PLK4: variants seen among roughly 807,000 people sequenced by gnomAD.
The protein encoded by PLK4 is serine/threonine-protein kinase PLK4.
A neutral mutation model predicts 103.0 loss-of-function variants in PLK4; 51 were observed. That is an observed-to-expected ratio of 0.50 (90% CI 0.40 to 0.63). The LOEUF is 0.63. Among genes scored for constraint, PLK4 ranks in the 20% least tolerant of loss-of-function variants. PLK4 has a pLI of 0.00. For synonymous variants in PLK4, 389 were observed against 376.8 expected, an observed-to-expected ratio of 1.03 and a Z score of -0.38; for missense variants, 1,054 against 1,151.0, an observed-to-expected ratio of 0.92 and a Z score of 1.22.
Position 127,895,023 on chromosome 4 carries a change from A to G in PLK4, c.2633A>G (p.Lys878Arg). 1 of 1,611,366 alleles carries G rather than the reference A, an allele frequency of 6.2e-7. No homozygotes were observed. Among genetic ancestry groups the G allele is most frequent in the Non-Finnish European group, 8.5e-7 (1 of 1,178,066 alleles). The stretch of plus-strand genomic sequence containing the variant: ...ACAGACATCTCTTCTAATAGTCTAA[A>G]AGATTGTCTTCCTAAATCAGCACAA... Reference protein sequence around the residue: ...SGTDISSNSLKDCLPKSAQLL... With the variant: ...SGTDISSNSLRDCLPKSAQLL... The change falls in exon 14 of 16, where the codon AAA becomes AGA. Residue 878 changes from lysine to arginine, a missense_variant. By Grantham distance (26) the Lys-to-Arg change is conservative. Coordinates refer to ENST00000270861, the MANE Select transcript of PLK4 (RefSeq NM_014264.5).
At chr4:127,882,157 C>T (rs975170233) in intron 2 of PLK4, among the ~76,000 whole-genome samples, 1 of 152,122 alleles carries the variant, frequency 6.6e-6, no homozygotes, top group South Asian at 2.1e-4. Flanking sequence ...CAGTAGACCT[C>T]GTATGTGGTG....
chr4:127,886,234 C>A lies in PLK4; in HGVS notation c.864C>A (p.Ala288=), dbSNP rs769447280. 1.8e-5 allele frequency: 29 copies of A among 1,613,898 alleles called. No homozygotes were observed. The highest frequency in any genetic ancestry group is 2.3e-5 in the Non-Finnish European group (27 of 1,179,950). ...AAGACTCAATTGATAGTGGGCATGC[C>A]ACAATTTCTACTGCAATTACAGCTT... ...TVEDSIDSGH[A]TISTAITASS... Residue 288 remains alanine, a synonymous_variant, in exon 5 of 16, where the codon GCC becomes GCA. Coordinates refer to ENST00000270861, the MANE Select transcript of PLK4 (RefSeq NM_014264.5).
intron 1 of PLK4, chr4:127,881,388 C>T (rs753991620): frequency 1.1e-4 from 160 of 1,424,812 alleles, no homozygotes; most frequent in Admixed American, 5.0e-4. Context: ...CCTCCCCGCC[C>T]GGCAGTGTCC....
rs535158562 is a variant in PLK4 at position 127,891,292 on chromosome 4, A to T, written c.1935+96A>T. 172 of 624,914 alleles carry T rather than the reference A, an allele frequency of 2.8e-4. No individual in the cohort carries two copies. The African/African-American group carries it at 3.0e-3, about 11-fold the overall frequency. The allele number at this position is 624,914 out of a possible 1,614,324, so 38.7% of individuals were successfully genotyped here. On this transcript the variant is annotated intron_variant, in intron 8 of 15. Coordinates refer to ENST00000270861, the MANE Select transcript of PLK4 (RefSeq NM_014264.5). Reference sequence around the variant, plus strand: ...TTTTACAATGATGTAAGTTTTTTTAAAATCAGTTTGCCAGTATGATAGTGT... The same window carrying T: ...TTTTACAATGATGTAAGTTTTTTTATAATCAGTTTGCCAGTATGATAGTGT...
Position 127,880,906 on chromosome 4 carries a change from C to T in PLK4, c.-229C>T, listed in dbSNP as rs1734888671. ...TCTCGTTACGTCACCACCAGCCTAG[C>T]TCGGACGGCAAGCGGCGGGAGATTT... is the stretch of plus-strand genomic sequence containing the variant. On this transcript the variant is annotated 5_prime_UTR_variant, in exon 1 of 16. Coordinates refer to ENST00000270861, the MANE Select transcript of PLK4 (RefSeq NM_014264.5). The T allele has an allele frequency of 1.7e-6, 1 of 577,360 alleles. No homozygotes were observed. The allele number at this position is 577,360 out of a possible 1,614,324, so 35.8% of individuals were successfully genotyped here. A position where few individuals can be genotyped will look rare whatever the true frequency, so the allele number is the denominator to read the frequency against.
At position 127,893,897 on chromosome 4, in the gene PLK4, T is replaced by G; in HGVS notation, c.2562+16T>G. On this transcript the variant is annotated intron_variant, in intron 13 of 15. Coordinates refer to ENST00000270861, the MANE Select transcript of PLK4 (RefSeq NM_014264.5). The stretch of plus-strand genomic sequence containing the variant: ...TAATCCCTCTGTAAGTAAATATATG[T>G]CACTTCTGTACTTTAAACCTTTCAA... 7.7e-7 allele frequency: 1 copy of G among 1,291,992 alleles called. No homozygotes were observed. Among genetic ancestry groups the G allele is most frequent in the Non-Finnish European group, 1.1e-6 (1 of 890,090 alleles). 80.0% of individuals were successfully genotyped at this position (1,291,992 alleles called of 1,614,324 possible).
At chr4:127,892,764 G>A (rs1008372779) in intron 10 of PLK4, 14 of 309,756 alleles carry the variant, frequency 4.5e-5, no homozygotes, top group South Asian at 3.6e-4. Context: ...GTTTAACTAC[G>A]TCTAGGCTGA....
In PLK4 at chr4:127,883,498, T is replaced by C. The variant is rs1407113341; in HGVS notation, c.282T>C (p.Asn94=). ...YVYLVLEMCH[N]GEMNRYLKNR... ...ATCTGGTATTAGAAATGTGCCATAA[T>C]GGAGAAATGAACAGGTATCTAAAGA... Residue 94 remains asparagine, a synonymous_variant, in exon 4 of 16, where the codon AAT becomes AAC. Transcript: ENST00000270861. 11 of 1,555,476 alleles carry C rather than the reference T, an allele frequency of 7.1e-6. No homozygotes were observed. Among genetic ancestry groups the C allele is most frequent in the Non-Finnish European group, 9.8e-6 (11 of 1,127,506 alleles).
chr4:127,889,885 T>G lies in PLK4; in HGVS notation c.1479T>G (p.Thr493=). ...LQINAHLRKT[T]EYDSISPNRD... Reference sequence around the variant, plus strand: ...TTGTAGCTCATTTAAGAAAAACTACTGAATATGACAGCATCAGCCCAAACC... The same window carrying G: ...TTGTAGCTCATTTAAGAAAAACTACGGAATATGACAGCATCAGCCCAAACC... Residue 493 remains threonine (T), a synonymous_variant, in exon 7 of 16, where the codon ACT becomes ACG. Coordinates refer to ENST00000270861, the MANE Select transcript of PLK4 (RefSeq NM_014264.5). 14 of 1,593,984 alleles carry G rather than the reference T, an allele frequency of 8.8e-6. No homozygotes were observed. Among genetic ancestry groups the G allele is most frequent in the Non-Finnish European group, 1.2e-5 (14 of 1,172,658 alleles).
At chr4:127,882,615 C>T (rs527256367) in intron 2 of PLK4, among the ~76,000 whole-genome samples, 137 of 152,218 alleles carry the variant, frequency 9.0e-4, no homozygotes, top group Non-Finnish European at 1.5e-3. Flanking sequence ...CCAAATTAGC[C>T]GGGTGTGGTG....
chr4:127,890,975 A>G (rs1314528820), intron 7 of PLK4, 117 bp from the exon 8 acceptor site: 1 of 565,896 alleles, frequency 1.8e-6, no homozygotes, highest in Non-Finnish European at 3.1e-6. Flanking sequence ...AGCAGCTTTG[A>G]TTTTGACTTC....
intron 1 of PLK4, 25 bp downstream of exon 1, chr4:127,881,189 C>G (rs563198060): frequency 1.9e-6 from 3 of 1,612,326 alleles, no homozygotes; most frequent in Non-Finnish European, 1.7e-6. Flanking sequence ...CAGTCTGCAG[C>G]GGGGCGGGTG....
In PLK4 at chr4:127,883,347, C is replaced by T; in HGVS notation, c.212C>T (p.Ser71Phe). Residue 71 changes from serine (S) to phenylalanine (F), a missense_variant, in exon 3 of 16, where the codon TCT (serine) becomes TTT (phenylalanine). By Grantham distance (155) the Ser-to-Phe change is radical (BLOSUM62 -2). Coordinates refer to ENST00000270861, the MANE Select transcript of PLK4 (RefSeq NM_014264.5). ...ATACATTGCCAATTGAAACATCCTT[C>T]TATCTTGGAGGTAAGATATAAATTT... is the stretch of plus-strand genomic sequence containing the variant. ...VKIHCQLKHPSILELYNYFED... is the reference protein window; with the variant it reads ...VKIHCQLKHPFILELYNYFED... 1 of 1,579,254 alleles carries T rather than the reference C, an allele frequency of 6.3e-7. No individual in the cohort carries two copies. Among genetic ancestry groups the T allele is most frequent in the Non-Finnish European group, 8.7e-7 (1 of 1,148,706 alleles).
In PLK4 at chr4:127,898,540, G is replaced by C. The variant is rs578179613; in HGVS notation, c.2912G>C (p.Ter971SerextTer8). Residue 971 changes from the stop codon to serine, a stop_lost, in exon 16 of 16, where the codon TGA becomes TCA. Transcript: ENST00000270861. ...MFSNPTPNFH[*>S] ...TCTAATCCGACTCCTAATTTTCATT[G>C]ATTAAAACTCCTTTCAGACATATAA... 3.1e-5 allele frequency: 42 copies of C among 1,339,268 alleles called. No individual in the cohort carries two copies. The highest frequency in any genetic ancestry group is 4.4e-5 in the Non-Finnish European group (41 of 940,390). The allele number at this position is 1,339,268 out of a possible 1,614,324, so 83.0% of individuals were successfully genotyped here.
intron 1 of PLK4, 85 bp from the exon 2 acceptor site, chr4:127,881,746 C>A: frequency 1.2e-6 from 1 of 820,768 alleles, no homozygotes; most frequent in Non-Finnish European, 2.0e-6. Flanking sequence ...CCCACTCGAT[C>A]CATTTTATCT....
chr4:127,880,965 T>C lies in PLK4; in HGVS notation c.-170T>C. 1 of 680,092 alleles carries C rather than the reference T, an allele frequency of 1.5e-6. No homozygotes were observed. The highest frequency in any genetic ancestry group is 2.5e-6 in the Non-Finnish European group (1 of 400,092). The allele number at this position is 680,092 out of a possible 1,614,324, so 42.1% of individuals were successfully genotyped here. A position where few individuals can be genotyped will look rare whatever the true frequency, so the allele number is the denominator to read the frequency against. On this transcript the variant is annotated 5_prime_UTR_variant, in exon 1 of 16. Coordinates refer to ENST00000270861, the MANE Select transcript of PLK4 (RefSeq NM_014264.5). ...GGAGCCCAGAGGCACCGCCCAGGCC[T>C]CGGAAGGTGTCAGGGAGAACTTTCC...
rs911741022 is a variant in PLK4, at chr4:127,880,963, C to T, written c.-172C>T. 1.0e-5 allele frequency: 7 copies of T among 668,608 alleles called. No individual in the cohort carries two copies. In the African/African-American group the frequency reaches 1.1e-4, roughly 10 times the overall value. The allele number at this position is 668,608 out of a possible 1,614,324, so 41.4% of individuals were successfully genotyped here. The stretch of plus-strand genomic sequence containing the variant: ...TGGGAGCCCAGAGGCACCGCCCAGG[C>T]CTCGGAAGGTGTCAGGGAGAACTTT... On this transcript the variant is annotated 5_prime_UTR_variant, in exon 1 of 16. Transcript: ENST00000270861.
chr4:127,897,757 ATG>A (rs1443973686), intron 15 of PLK4, among the ~76,000 whole-genome samples: 2 of 148,292 alleles, frequency 1.3e-5, no homozygotes. Flanking sequence ...CATTTGGAAA[ATG>A]TTAACATTTA....
In PLK4 at chr4:127,891,698, G is replaced by A; in HGVS notation, c.2038+17G>A. The A allele has an allele frequency of 1.9e-6, 2 of 1,078,810 alleles. No homozygotes were observed. Among genetic ancestry groups the A allele is most frequent in the Non-Finnish European group, 2.6e-6 (2 of 757,472 alleles). 66.8% of individuals were successfully genotyped at this position (1,078,810 alleles called of 1,614,324 possible). ...ATTTACCAGGTATGTGAATTTACCA[G>A]GGAATAAATTTTGATAGTAGATTTA... On this transcript the variant is annotated intron_variant, in intron 9 of 15. Coordinates refer to ENST00000270861, the MANE Select transcript of PLK4 (RefSeq NM_014264.5).
Sources: allele counts gnomAD v4.1 joint callset (sites outside exome capture counted in the v4.1 genomes callset), GRCh38; gene constraint gnomAD v4.1.1; transcripts MANE v1.5; gene names NCBI Gene and HGNC (gene_info 2026-07-23, HGNC 2026-07-21).